SPANXN2: variants seen among roughly 807,000 people sequenced by gnomAD.
SPANXN2 encodes the protein SPANX family member N2, also known as sperm protein associated with the nucleus on the X chromosome N2.
Under a neutral mutation model 2.0 loss-of-function variants are expected in SPANXN2, and 1 was observed. The observed-to-expected ratio is 0.50, with a 90% confidence interval of 0.18 to 2.36. SPANXN2 has a LOEUF of 2.36. Ranked by LOEUF, SPANXN2 falls within the 30% of genes most tolerant of loss-of-function variation. The probability of loss-of-function intolerance (pLI) is 0.26; values close to 1 mark genes in which losing one functional copy is unlikely to be tolerated. For synonymous variants in SPANXN2, 43 were observed against 49.8 expected, an observed-to-expected ratio of 0.86 and a Z score of 0.58; for missense variants, 88 against 116.7, an observed-to-expected ratio of 0.75 and a Z score of 1.13.
At chrX:143,713,688 C>T (rs1222803287) in intron 1 of SPANXN2, among the ~76,000 whole-genome samples, 2 of 111,418 alleles carry the variant, frequency 1.8e-5, no homozygotes, top group East Asian at 5.7e-4. Context: ...TCACTTCTCT[C>T]TGGAGTACTC....
chrX:143,717,297 AC>A (rs1932284307), intron 1 of SPANXN2, among the ~76,000 whole-genome samples: 1 of 111,478 alleles, frequency 9.0e-6, no homozygotes, highest in African/African-American at 3.3e-5. Flanking sequence ...TACAAAAGGA[AC>A]CCCCATAAGA....
At chrX:143,717,783 A>G (rs1181294139) in intron 1 of SPANXN2, among the ~76,000 whole-genome samples, 1 of 111,642 alleles carries the variant, frequency 9.0e-6, no homozygotes, top group African/African-American at 3.3e-5. Flanking sequence ...CCTTTCCCAC[A>G]CACCAGACCT....
chrX:143,712,891 T>C (rs782330172), intron 1 of SPANXN2, among the ~76,000 whole-genome samples: 313 of 111,466 alleles, frequency 2.8e-3, no homozygotes, highest in African/African-American at 9.5e-3. Flanking sequence ...GATATTCCAC[T>C]GGAAAAAGGG....
chrX:143,719,563 C>G (rs782126989), intron 1 of SPANXN2, among the ~76,000 whole-genome samples: 196 of 112,173 alleles, frequency 1.7e-3, no homozygotes, highest in South Asian at 0.017. Flanking sequence ...GCCACCATAA[C>G]CTACAACTTT....
chrX:143,717,299 C>T lies in SPANXN2; in HGVS notation c.78+3292G>A, dbSNP rs148677618. Among the ~76,000 whole-genome samples the T allele has an allele frequency of 6.3e-3, 710 of 111,831 alleles. 3 individuals carry two copies. Among genetic ancestry groups the T allele is most frequent in the African/African-American group, 0.02 (601 of 30,727 alleles). ...AGGGTTTCCTAACTACAAAAGGAAC[C>T]CCCATAAGAAATGGCAAACTTACAC... is the stretch of plus-strand genomic sequence containing the variant. On this transcript the variant is annotated intron_variant, in intron 1 of 1. Transcript: ENST00000598475.
chrX:143,716,684 A>G (rs782631490), intron 1 of SPANXN2, among the ~76,000 whole-genome samples: 4 of 111,778 alleles, frequency 3.6e-5, no homozygotes, highest in South Asian at 3.7e-4. Flanking sequence ...CTGTCATCCG[A>G]GGCTGGTCAC....
chrX:143,712,572 G>T, intron 1 of SPANXN2, 73 bp from the exon 2 acceptor site: 1 of 986,158 alleles, frequency 1.0e-6, no homozygotes, highest in South Asian at 2.3e-5. Flanking sequence ...ATAGCAAGGG[G>T]GGCTTTATGA....
chrX:143,719,390 T>C (rs1465309697), intron 1 of SPANXN2, among the ~76,000 whole-genome samples: 3 of 111,974 alleles, frequency 2.7e-5, no homozygotes, highest in Non-Finnish European at 3.8e-5. Flanking sequence ...ACCCATTTCC[T>C]GCTCTCTCTC....
At chrX:143,712,857 C>A (rs1354332932) in intron 1 of SPANXN2, among the ~76,000 whole-genome samples, 14 of 111,581 alleles carry the variant, frequency 1.3e-4, no homozygotes, top group Non-Finnish European at 2.1e-4. Flanking sequence ...TCTTGCTTGG[C>A]AAAGTTCTAA....
At chrX:143,712,357 C>A (rs782224699) in exon 2 of SPANXN2, 1 of 1,212,460 alleles carries the variant, frequency 8.2e-7, no homozygotes, top group East Asian at 3.0e-5. Context: ...GGAGTTCTCT[C>A]GGGACTGGTC....
chrX:143,719,761 G>C (rs5908769), intron 1 of SPANXN2, among the ~76,000 whole-genome samples: 14,230 of 110,488 alleles, frequency 0.13, 1,041 homozygotes, highest in East Asian at 0.31. Flanking sequence ...TAAGCAGGCT[G>C]TACATCTCAT....
intron 1 of SPANXN2, among the ~76,000 whole-genome samples, chrX:143,715,335 A>C (rs1556449412): frequency 9.1e-6 from 1 of 110,147 alleles, no homozygotes; most frequent in Non-Finnish European, 1.9e-5. Context: ...TTTATTATAC[A>C]ACCTATTCAG....
chrX:143,715,116 T>C (rs781914764), intron 1 of SPANXN2, among the ~76,000 whole-genome samples: 92 of 111,462 alleles, frequency 8.3e-4, no homozygotes, highest in African/African-American at 2.9e-3. Flanking sequence ...TGAAGACAGG[T>C]GGGGCCTGGA....
At chrX:143,719,097 C>G (rs1932316612) in intron 1 of SPANXN2, among the ~76,000 whole-genome samples, 1 of 110,810 alleles carries the variant, frequency 9.0e-6, no homozygotes, top group African/African-American at 3.3e-5. Flanking sequence ...TGCTTATAAT[C>G]TTGCTCGGCT....
At chrX:143,714,075 C>A (rs192294081) in intron 1 of SPANXN2, among the ~76,000 whole-genome samples, 1 of 109,728 alleles carries the variant, frequency 9.1e-6, no homozygotes, top group African/African-American at 3.3e-5. Flanking sequence ...ATTCCCTCCA[C>A]CTTCTCCTTC....
At chrX:143,714,181 C>A (rs1393747315) in intron 1 of SPANXN2, among the ~76,000 whole-genome samples, 4 of 110,472 alleles carry the variant, frequency 3.6e-5, no homozygotes, top group African/African-American at 9.9e-5. Flanking sequence ...TCGCTAGGAA[C>A]CAGGCACATG....
chrX:143,719,406 C>G (rs1932321775), intron 1 of SPANXN2, among the ~76,000 whole-genome samples: 2 of 111,895 alleles, frequency 1.8e-5, no homozygotes, highest in South Asian at 7.6e-4. Context: ...CTCTCCAAAA[C>G]CAAACAGCCT....
At chrX:143,717,755 G>A (rs782796886) in intron 1 of SPANXN2, among the ~76,000 whole-genome samples, 2 of 111,797 alleles carry the variant, frequency 1.8e-5, no homozygotes, top group African/African-American at 6.5e-5. Context: ...TTCCCCTCAG[G>A]AAGCTATCAA....
chrX:143,713,496 G>A (rs1185197788), intron 1 of SPANXN2, among the ~76,000 whole-genome samples: 5 of 111,300 alleles, frequency 4.5e-5, no homozygotes, highest in African/African-American at 1.6e-4. Flanking sequence ...AAATTCCAGT[G>A]CTGGGTGAGA....
Sources: gnomAD v4.1 joint callset for allele counts (sites outside exome capture counted in the v4.1 genomes callset) on GRCh38, gnomAD v4.1.1 for gene constraint, MANE v1.5 for transcripts, NCBI Gene and HGNC (gene_info 2026-07-23, HGNC 2026-07-21) for gene names.